MALRD1: variants seen among roughly 807,000 people sequenced by gnomAD.
MALRD1 encodes MAM and LDL-receptor class A domain-containing protein 1.
A neutral mutation model predicts 242.1 loss-of-function variants in MALRD1; 247 were observed. The ratio of observed to expected loss-of-function variants is 1.02; its 90% confidence interval spans 0.92 to 1.13. The LOEUF (loss-of-function observed/expected upper bound fraction) is 1.13, where lower values mean the gene tolerates loss of function less well. Among genes scored for constraint, MALRD1 ranks in the 50% most tolerant of loss-of-function variants. The pLI, the probability that MALRD1 is intolerant of heterozygous loss-of-function variation, is 0.00. For missense variants in MALRD1, 2,989 were observed against 2,533.1 expected (o/e 1.18, Z -3.86); for synonymous variants, 995 against 866.6 (o/e 1.15, Z -2.60).
At chr10:19,587,302 G>A (rs527641982) in intron 33 of MALRD1, among the ~76,000 whole-genome samples, 1 of 152,202 alleles carries the variant, frequency 6.6e-6, no homozygotes, top group African/African-American at 2.4e-5. Context: ...GCCAGAGACA[G>A]TTACCCATTT....
At chr10:19,237,265 T>G (rs1351835672) in intron 18 of MALRD1, among the ~76,000 whole-genome samples, 1 of 151,432 alleles carries the variant, frequency 6.6e-6, no homozygotes, top group East Asian at 1.9e-4. Context: ...TCATAACTGT[T>G]AACCAGTCTC....
chr10:19,686,617 A>G (rs1842593536), intron 36 of MALRD1, among the ~76,000 whole-genome samples: 1 of 152,116 alleles, frequency 6.6e-6, no homozygotes, highest in South Asian at 2.1e-4. Flanking sequence ...TATTTTAGAG[A>G]GGCAGCTTAA....
intron 21 of MALRD1, among the ~76,000 whole-genome samples, chr10:19,287,840 C>A (rs1841205216): frequency 6.6e-6 from 1 of 152,034 alleles, no homozygotes; most frequent in Non-Finnish European, 1.5e-5. Flanking sequence ...TATAGTTGTT[C>A]AGCTTGTTTT....
At chr10:19,306,596 C>G (rs548739319) in intron 21 of MALRD1, among the ~76,000 whole-genome samples, 11 of 148,386 alleles carry the variant, frequency 7.4e-5, no homozygotes, top group African/African-American at 2.7e-4. Context: ...TGTATATATA[C>G]TTAATTGTGT....
chr10:19,539,056 T>A (rs1834811699), intron 32 of MALRD1, among the ~76,000 whole-genome samples: 1 of 152,168 alleles, frequency 6.6e-6, no homozygotes, highest in Non-Finnish European at 1.5e-5. Context: ...TTTGTTTCAA[T>A]GTAATATTTA....
chr10:19,244,317 A>T (rs1838941859), intron 18 of MALRD1, among the ~76,000 whole-genome samples: 1 of 152,176 alleles, frequency 6.6e-6, no homozygotes, highest in African/African-American at 2.4e-5. Flanking sequence ...TGTCACCTGT[A>T]AACTCAGTAC....
intron 36 of MALRD1, among the ~76,000 whole-genome samples, chr10:19,631,960 T>C (rs1332883021): frequency 6.6e-6 from 1 of 152,204 alleles, no homozygotes; most frequent in East Asian, 1.9e-4. Context: ...TGATAGTTTC[T>C]TCTGCTGCTG....
At chr10:19,598,178 T>G (rs1838192529) in intron 34 of MALRD1, 1 of 152,070 alleles carries the variant, frequency 6.6e-6, no homozygotes. Context: ...CAGTGTAAGG[T>G]AAATATTATT....
At chr10:19,257,636 A>T (rs1401343984) in intron 18 of MALRD1, 48 bp from the exon 19 acceptor site, 4 of 1,314,056 alleles carry the variant, frequency 3.0e-6, no homozygotes, top group Non-Finnish European at 4.2e-6. Context: ...AATTTCCTTT[A>T]CCACATAAAC....
chr10:19,489,010 C>T (rs1047785734), intron 29 of MALRD1: 1 of 455,886 alleles, frequency 2.2e-6, no homozygotes, highest in African/African-American at 2.0e-5. Flanking sequence ...CCGGTTCTCC[C>T]ACCATCCCCC....
In MALRD1 at chr10:19,588,635, A is replaced by G. The variant is rs141787534; in HGVS notation, c.5681-6559A>G. Among the ~76,000 whole-genome samples, 540 of 152,296 alleles carry G rather than the reference A, an allele frequency of 3.5e-3. 1 individual carries two copies. The highest frequency in any genetic ancestry group is 0.011 in the Admixed American group (175 of 15,292). ...CACTGATTCCCTAAATTCTAAAGCAACATTTCTTATTTACTCATGTATGTA... is the reference window on the plus strand; with the variant it reads ...CACTGATTCCCTAAATTCTAAAGCAGCATTTCTTATTTACTCATGTATGTA... On this transcript the variant is annotated intron_variant, in intron 33 of 39. Coordinates refer to ENST00000454679, the MANE Select transcript of MALRD1 (RefSeq NM_001142308.3).
intron 28 of MALRD1, among the ~76,000 whole-genome samples, chr10:19,444,284 A>G (rs1270602298): frequency 6.6e-6 from 1 of 152,146 alleles, no homozygotes; most frequent in African/African-American, 2.4e-5. Flanking sequence ...TGTGTCTTTT[A>G]ATTGGAACAT....
chr10:19,481,559 T>C (rs558690107), intron 29 of MALRD1, among the ~76,000 whole-genome samples: 3 of 152,264 alleles, frequency 2.0e-5, no homozygotes, highest in Non-Finnish European at 4.4e-5. Context: ...GACATTTGGG[T>C]GCATAATCTT....
At chr10:19,053,951 C>T (rs902526924) in intron 1 of MALRD1, among the ~76,000 whole-genome samples, 1 of 151,962 alleles carries the variant, frequency 6.6e-6, no homozygotes, top group Non-Finnish European at 1.5e-5. Context: ...ATTCCATTTT[C>T]ACATGATATT....
intron 21 of MALRD1, among the ~76,000 whole-genome samples, chr10:19,315,115 G>A (rs1309448154): frequency 2.9e-5 from 4 of 135,952 alleles, no homozygotes; most frequent in African/African-American, 8.2e-5. Flanking sequence ...ATAGAAATAT[G>A]TAAATATAAT....
intron 32 of MALRD1, among the ~76,000 whole-genome samples, chr10:19,563,135 C>A (rs1836076450): frequency 6.6e-6 from 1 of 152,040 alleles, no homozygotes; most frequent in South Asian, 2.1e-4. Context: ...TTTGATCTCT[C>A]TATATATCTG....
At chr10:19,602,176 G>A (rs1386760101) in intron 34 of MALRD1, among the ~76,000 whole-genome samples, 9 of 106,608 alleles carry the variant, frequency 8.4e-5, no homozygotes, top group African/African-American at 1.5e-4. Context: ...TTTTTTGTCC[G>A]TCTTTGCAGG....
At chr10:19,510,672 T>C (rs1833360777) in intron 31 of MALRD1, among the ~76,000 whole-genome samples, 1 of 152,240 alleles carries the variant, frequency 6.6e-6, no homozygotes, top group Non-Finnish European at 1.5e-5. Context: ...GGCAGAAGAA[T>C]TTTTCTTAGT....
chr10:19,277,937 C>T lies in MALRD1; in HGVS notation c.3080-2110C>T, dbSNP rs373650116. 1.7e-4 allele frequency among the ~76,000 whole-genome samples: 26 copies of T among 152,274 alleles called. No homozygotes were observed. In the East Asian group the frequency reaches 4.6e-3, roughly 27 times the overall value. ...TAAAGAAAGAGGTTAACTATTCTAACTATTATTTTTTTTCCAATGTTAGAG... is the reference window on the plus strand; with the variant it reads ...TAAAGAAAGAGGTTAACTATTCTAATTATTATTTTTTTTCCAATGTTAGAG... On this transcript the variant is annotated intron_variant, in intron 19 of 39. Coordinates refer to ENST00000454679, the MANE Select transcript of MALRD1 (RefSeq NM_001142308.3).
Sources: gnomAD v4.1 joint callset for allele counts (sites outside exome capture counted in the v4.1 genomes callset) on GRCh38, gnomAD v4.1.1 for gene constraint, MANE v1.5 for transcripts, NCBI Gene and HGNC (gene_info 2026-07-23, HGNC 2026-07-21) for gene names.